Variants in TBCD observed in about 807,000 individuals in gnomAD.
The protein encoded by TBCD is tubulin-specific chaperone D.
Under a neutral mutation model 169.3 loss-of-function variants are expected in TBCD, and 105 were observed. The ratio of observed to expected loss-of-function variants is 0.62; its 90% CI spans 0.53 to 0.73. The LOEUF (loss-of-function observed/expected upper bound fraction) is 0.73, where lower values mean the gene tolerates loss of function less well. Ranked by LOEUF, TBCD falls within the 30% of genes least tolerant of loss-of-function variation. TBCD has a pLI of 0.00. For synonymous variants in TBCD, 700 were observed against 643.9 expected (o/e 1.09, Z -1.32); for missense variants, 1,444 against 1,600.1 (o/e 0.90, Z 1.66).
intron 13 of TBCD, among the ~76,000 whole-genome samples, chr17:82,848,116 A>T (rs534395809): frequency 6.6e-6 from 1 of 152,128 alleles, no homozygotes; most frequent in East Asian, 1.9e-4. Flanking sequence ...CAGGGCTGGC[A>T]GTTTCTGGGT....
chr17:82,934,828 A>G (rs1467504238), intron 34 of TBCD, among the ~76,000 whole-genome samples: 2 of 151,444 alleles, frequency 1.3e-5, no homozygotes, highest in Non-Finnish European at 2.9e-5. Flanking sequence ...CCTGGGCGCC[A>G]TGGCTCACGC....
chr17:82,892,835 G>A (rs1188091707), intron 16 of TBCD, among the ~76,000 whole-genome samples: 4 of 152,172 alleles, frequency 2.6e-5, no homozygotes, highest in Admixed American at 2.6e-4. Flanking sequence ...TCACATCCTG[G>A]AACCTGAGAG....
Position 82,930,832 on chromosome 17 carries a change from C to T in TBCD, c.3113+189C>T, listed in dbSNP as rs2062137234. ...GCATATGGTTCTCCGGGCGGCCAGG[C>T]CTCAGCCCCTGCGCCTCCTCTTCTA... On this transcript the variant is annotated intron_variant, in intron 33 of 38. Transcript: ENST00000355528. The surrounding 1 kb of genome is among the most constrained non-coding windows in gnomAD (Gnocchi z 5.2). Among the ~76,000 whole-genome samples, 1 of 152,196 alleles carries T rather than the reference C, an allele frequency of 6.6e-6. No homozygotes were observed. Among genetic ancestry groups the T allele is most frequent in the South Asian group, 2.1e-4 (1 of 4,834 alleles).
At chr17:82,853,454 G>GTTTCTGT (rs2055983368) in intron 13 of TBCD, among the ~76,000 whole-genome samples, 1 of 151,912 alleles carries the variant, frequency 6.6e-6, no homozygotes, top group Non-Finnish European at 1.5e-5. Context: ...CCAGGCTGGA[G>GTTTCTGT]TGCAGTGGCT....
At chr17:82,775,632 C>T (rs988024048) in intron 6 of TBCD, among the ~76,000 whole-genome samples, 3 of 151,670 alleles carry the variant, frequency 2.0e-5, no homozygotes, top group Non-Finnish European at 4.4e-5. Flanking sequence ...TTGCCAACAT[C>T]CACAGCGCTG....
At chr17:82,812,792 C>T (rs751885521) in intron 12 of TBCD, among the ~76,000 whole-genome samples, 18 of 152,202 alleles carry the variant, frequency 1.2e-4, no homozygotes, top group Admixed American at 4.6e-4. Context: ...CAGCCCGCCT[C>T]GGCCTCCCGG....
intron 13 of TBCD, among the ~76,000 whole-genome samples, chr17:82,853,471 C>T (rs867060075): frequency 3.3e-5 from 5 of 151,842 alleles, no homozygotes; most frequent in Admixed American, 1.3e-4. Context: ...GGCTCACTCA[C>T]GGCTCACTGT....
intron 4 of TBCD, 124 bp from the exon 5 acceptor site, chr17:82,768,296 A>G: frequency 8.5e-7 from 1 of 1,174,412 alleles, no homozygotes; most frequent in Non-Finnish European, 1.2e-6. Flanking sequence ...CCTGAGGGTG[A>G]TGGCATTTGA....
At chr17:82,826,061 A>G (rs1382641776) in intron 13 of TBCD, among the ~76,000 whole-genome samples, 3 of 152,186 alleles carry the variant, frequency 2.0e-5, no homozygotes, top group African/African-American at 7.2e-5. Flanking sequence ...TTCCCAGAGC[A>G]TTTTACCCTA....
chr17:82,930,248 G>A lies in TBCD; in HGVS notation c.2992-274G>A. On this transcript the variant is annotated intron_variant, in intron 32 of 38. Coordinates refer to ENST00000355528, the MANE Select transcript of TBCD (RefSeq NM_005993.5). This position sits in a 1 kb window ranked among gnomAD's most constrained non-coding sequence, Gnocchi z 5.2. ...GAAACGTGAGCGAAACCCAAGGTGA[G>A]TGGCCGCAGCCTTTCGTCACGTGCT... The A allele has an allele frequency of 2.1e-6, 1 of 470,924 alleles. No individual in the cohort carries two copies. The highest frequency in any genetic ancestry group is 3.8e-6 in the Non-Finnish European group (1 of 263,670). 29.2% of individuals were successfully genotyped at this position (470,924 alleles called of 1,614,324 possible).
At chr17:82,813,227 G>A (rs1373653728) in intron 12 of TBCD, among the ~76,000 whole-genome samples, 2 of 152,076 alleles carry the variant, frequency 1.3e-5, no homozygotes, top group East Asian at 1.9e-4. Context: ...CCTTGCTCTT[G>A]ATGATCTGAG....
chr17:82,791,493 T>C (rs1323754400), intron 7 of TBCD, among the ~76,000 whole-genome samples: 1 of 152,208 alleles, frequency 6.6e-6, no homozygotes, highest in Non-Finnish European at 1.5e-5. Context: ...GCTCCTCTCT[T>C]CTGTGGGAAC....
chr17:82,923,776 G>C lies in TBCD; in HGVS notation c.2260+43G>C, dbSNP rs1203781673. The C allele has an allele frequency of 6.6e-7, 1 of 1,515,018 alleles. No homozygotes were observed. Among genetic ancestry groups the C allele is most frequent in the African/African-American group, 1.4e-5 (1 of 71,734 alleles). The allele number at this position is 1,515,018 out of a possible 1,614,324, so 93.8% of individuals were successfully genotyped here. A position where few individuals can be genotyped will look rare whatever the true frequency, so the allele number is the denominator to read the frequency against. On this transcript the variant is annotated intron_variant, in intron 26 of 38. Transcript: ENST00000355528. The surrounding 1 kb of genome is among the most constrained non-coding windows in gnomAD (Gnocchi z 4.6). The stretch of plus-strand genomic sequence containing the variant: ...TTCTTGAAGACTCCAGGGGCTTCCA[G>C]CAGGAAGCTGCTGGGGAGTGTCTGG...
At chr17:82,939,938 G>A (rs984201389) in intron 37 of TBCD, among the ~76,000 whole-genome samples, 5 of 152,224 alleles carry the variant, frequency 3.3e-5, no homozygotes, top group African/African-American at 1.2e-4. Context: ...AGGGCCATGA[G>A]GCCCTCAGGA....
At chr17:82,821,291 T>C (rs1037794956) in intron 13 of TBCD, among the ~76,000 whole-genome samples, 1 of 152,252 alleles carries the variant, frequency 6.6e-6, no homozygotes, top group African/African-American at 2.4e-5. Context: ...TAAATGTTGT[T>C]CTTTTGGTCT....
intron 13 of TBCD, among the ~76,000 whole-genome samples, chr17:82,828,234 C>A (rs1415909739): frequency 1.7e-4 from 23 of 132,668 alleles, no homozygotes; most frequent in African/African-American, 4.0e-4. Context: ...TGAATGCGCC[C>A]CCCACAGATA....
intron 13 of TBCD, chr17:82,838,589 G>A (rs1567865370): frequency 5.3e-6 from 5 of 935,928 alleles, no homozygotes; most frequent in African/African-American, 1.8e-5. Flanking sequence ...CACCATTGTC[G>A]CCTACCCACT....
At chr17:82,932,386 C>G (rs2125479) in intron 33 of TBCD, among the ~76,000 whole-genome samples, 6 of 152,032 alleles carry the variant, frequency 3.9e-5, no homozygotes, top group African/African-American at 1.4e-4. Context: ...TTTGGACTCT[C>G]CTGTGCCCGA....
chr17:82,926,332 G>A (rs536499152), intron 27 of TBCD, 68 bp from the exon 28 acceptor site: 5 of 1,487,276 alleles, frequency 3.4e-6, no homozygotes, highest in Non-Finnish European at 4.7e-6. Context: ...GGCCAACATT[G>A]CCACCTCCCT....
Sources: gnomAD v4.1 joint callset for allele counts (sites outside exome capture counted in the v4.1 genomes callset) on GRCh38, gnomAD v4.1.1 for gene constraint, Gnocchi (gnomAD v3.1) non-coding constraint, MANE v1.5 for transcripts, NCBI Gene and HGNC (gene_info 2026-07-23, HGNC 2026-07-21) for gene names.